Variants in SGSM1 observed in about 807,000 individuals in gnomAD.
SGSM1 encodes the protein RUN and TBC1 domain containing 2.
In SGSM1, 73 loss-of-function variants were observed where a neutral mutation model predicts 133.8. The ratio of observed to expected loss-of-function variants is 0.55; its 90% CI spans 0.45 to 0.66. SGSM1 has a LOEUF of 0.66. SGSM1 is among the 30% of genes least tolerant of loss of function. SGSM1 has a pLI of 0.00. For synonymous variants in SGSM1, 563 were observed against 573.0 expected (o/e 0.98, Z 0.25); for missense variants, 1,213 against 1,448.1 (o/e 0.84, Z 2.64).
At chr22:24,894,061 G>T (rs1932862767) in intron 17 of SGSM1, among the ~76,000 whole-genome samples, 1 of 152,200 alleles carries the variant, frequency 6.6e-6, no homozygotes, top group South Asian at 2.1e-4. Flanking sequence ...TGTCCTCCCA[G>T]AACTTCCAGT....
At position 24,926,405 on chromosome 22, in the gene SGSM1, C is replaced by G. The variant is rs1390207542; in HGVS notation, c.*2131C>G. ...GCTGCCATTAGACTTACGTCTCCCT[C>G]CCCTACGTCCCCTAGCTTCCCAAGA... On this transcript the variant is annotated 3_prime_UTR_variant, in exon 25 of 25. Coordinates refer to ENST00000400358, the MANE Select transcript of SGSM1 (RefSeq NM_001098497.3). 6.6e-6 allele frequency: 1 copy of G among 152,208 alleles called. No individual in the cohort carries two copies. Among genetic ancestry groups the G allele is most frequent in the Non-Finnish European group, 1.5e-5 (1 of 68,034 alleles). The allele number at this position is 152,208 out of a possible 1,614,324, so 9.4% of individuals were successfully genotyped here.
At chr22:24,874,574 C>T (rs1366928271) in intron 12 of SGSM1, 1 of 1,596,944 alleles carries the variant, frequency 6.3e-7, no homozygotes, top group Non-Finnish European at 8.5e-7. Context: ...AAGGAGCAGC[C>T]CCCCAGTAAT....
chr22:24,851,100 CAA>C (rs68153757), intron 5 of SGSM1, among the ~76,000 whole-genome samples: 27,041 of 95,876 alleles, frequency 0.28, 4,718 homozygotes, highest in African/African-American at 0.53. Context: ...GACTCCATCT[CAA>C]AAAAAAAAAA....
chr22:24,907,034 T>G (rs1478608937), intron 21 of SGSM1, among the ~76,000 whole-genome samples: 1 of 151,682 alleles, frequency 6.6e-6, no homozygotes, highest in African/African-American at 2.4e-5. Flanking sequence ...CCTCGGTGGG[T>G]GGATCACCTG....
In SGSM1 at chr22:24,876,561, C is replaced by T. The variant is rs781472306; in HGVS notation, c.1292-16C>T. The T allele has an allele frequency of 1.9e-6, 3 of 1,613,940 alleles. No individual in the cohort carries two copies. Among genetic ancestry groups the T allele is most frequent in the Non-Finnish European group, 2.5e-6 (3 of 1,179,838 alleles). ...AACCAGGGTGATTCTTCTGCCCCTC[C>T]TTCTATCCACCACAGTGCCCCAGGA... On this transcript the variant is annotated splice_polypyrimidine_tract_variant and intron_variant, in intron 12 of 24. Transcript: ENST00000400358.
intron 2 of SGSM1, among the ~76,000 whole-genome samples, chr22:24,840,839 G>A (rs1375688153): frequency 6.6e-6 from 1 of 151,898 alleles, no homozygotes; most frequent in Non-Finnish European, 1.5e-5. Flanking sequence ...TGGCCATGTT[G>A]TGTTTTTGTT....
At position 24,868,383 on chromosome 22, in the gene SGSM1, C is replaced by T. The variant is rs375206010; in HGVS notation, c.1002C>T (p.Ser334=). ...VYLHCHQQVD[S]GGTVVLVSQD... Reference sequence around the variant, plus strand: ...GGCTGGTGGTGGCGGCAGTTGACAGCGGCGGGACAGTGGTATTGGTCAGCC... The same window carrying T: ...GGCTGGTGGTGGCGGCAGTTGACAGTGGCGGGACAGTGGTATTGGTCAGCC... Residue 334 remains serine (S), a synonymous_variant, in exon 11 of 25, where the codon AGC becomes AGT. Coordinates refer to ENST00000400358, the MANE Select transcript of SGSM1 (RefSeq NM_001098497.3). 5.4e-5 allele frequency: 86 copies of T among 1,607,168 alleles called. No homozygotes were observed. The highest frequency in any genetic ancestry group is 7.3e-5 in the Non-Finnish European group (86 of 1,175,230).
intron 12 of SGSM1, among the ~76,000 whole-genome samples, chr22:24,870,920 T>TGG (rs1931736575): frequency 6.6e-6 from 1 of 152,200 alleles, no homozygotes; most frequent in Admixed American, 6.5e-5. Flanking sequence ...CTTTACTCCC[T>TGG]CCCCTTTTCT....
intron 2 of SGSM1, among the ~76,000 whole-genome samples, chr22:24,806,720 G>A (rs1927411861): frequency 6.6e-6 from 1 of 151,858 alleles, no homozygotes; most frequent in Admixed American, 6.5e-5. Context: ...GGGGGCGGAT[G>A]TAGCGTGAGG....
chr22:24,899,034 A>C lies in SGSM1; in HGVS notation c.2610+475A>C, dbSNP rs59054773. ...AGAGCAAGATCTCAAAAAAAAAAAA[A>C]AAAAAAAAAAAAACGTGTACAGTGT... On this transcript the variant is annotated intron_variant, in intron 19 of 24. Coordinates refer to ENST00000400358, the MANE Select transcript of SGSM1 (RefSeq NM_001098497.3). Among the ~76,000 whole-genome samples the C allele has an allele frequency of 5.9e-3, 870 of 148,316 alleles. 5 individuals carry two copies. The highest frequency in any genetic ancestry group is 8.4e-3 in the Non-Finnish European group (558 of 66,134).
In SGSM1 at chr22:24,823,714, C is replaced by G. The variant is rs12483906; in HGVS notation, c.63+17230C>G. Among the ~76,000 whole-genome samples, 8 of 152,124 alleles carry G rather than the reference C, an allele frequency of 5.3e-5. No individual in the cohort carries two copies. In the East Asian group the frequency reaches 1.5e-3, roughly 29 times the overall value. On this transcript the variant is annotated intron_variant, in intron 2 of 24. Transcript: ENST00000400358. ...TTGGGAGGCCAAGGCGGGTGGATCA[C>G]TTGAGGCCAGGAGTTGAAGACCAGC...
In SGSM1 at chr22:24,844,625, G is replaced by A. The variant is rs975464509; in HGVS notation, c.64-272G>A. 20 of 456,864 alleles carry A rather than the reference G, an allele frequency of 4.4e-5. 1 individual carries two copies. Among genetic ancestry groups the A allele is most frequent in the Admixed American group, 3.2e-4 (9 of 27,950 alleles). 28.3% of individuals were successfully genotyped at this position (456,864 alleles called of 1,614,324 possible). A position where few individuals can be genotyped will look rare whatever the true frequency, so the allele number is the denominator to read the frequency against. The stretch of plus-strand genomic sequence containing the variant: ...TGCCTTAGACAGTGTGGTCAGGAAA[G>A]GAGATGACGTTTTGTGAGATGCCTA... On this transcript the variant is annotated intron_variant, in intron 2 of 24. Transcript: ENST00000400358.
rs559441051 is a variant in SGSM1, at chr22:24,903,767, T to C, written c.2736-1338T>C. ...CGGCCAGATCACCTGAGGTCAGGAG[T>C]TCGAGACCAGCCTGGCCAACATGGC... On this transcript the variant is annotated intron_variant, in intron 20 of 24. Coordinates refer to ENST00000400358, the MANE Select transcript of SGSM1 (RefSeq NM_001098497.3). Among the ~76,000 whole-genome samples the C allele has an allele frequency of 2.6e-5, 4 of 150,954 alleles. No homozygotes were observed. The East Asian group carries it at 7.9e-4, about 30-fold the overall frequency.
In SGSM1 at chr22:24,907,491, A is replaced by G. The variant is rs141038994; in HGVS notation, c.2818+2304A>G. On this transcript the variant is annotated intron_variant, in intron 21 of 24. Transcript: ENST00000400358. ...TCCAATGATCTGTAAAGTCAGTGCA[A>G]TCTCTGTCAAAAATCCCAGCTGCCT... 3.6e-3 allele frequency among the ~76,000 whole-genome samples: 544 copies of G among 151,684 alleles called. 4 individuals carry two copies. The highest frequency in any genetic ancestry group is 0.013 in the African/African-American group (527 of 41,306).
At chr22:24,874,613 G>T in intron 12 of SGSM1, 1 of 1,543,324 alleles carries the variant, frequency 6.5e-7, no homozygotes, top group Non-Finnish European at 8.7e-7. Context: ...CCCAGGGGCT[G>T]GGTGCCAGCC....
intron 2 of SGSM1, among the ~76,000 whole-genome samples, chr22:24,833,617 C>G (rs1429288164): frequency 6.6e-6 from 1 of 151,462 alleles, no homozygotes; most frequent in Non-Finnish European, 1.5e-5. Context: ...GAGATTGTGC[C>G]ACTGCACTCC....
chr22:24,812,131 C>G (rs1233048421), intron 2 of SGSM1, among the ~76,000 whole-genome samples: 17 of 148,240 alleles, frequency 1.1e-4, no homozygotes, highest in Admixed American at 8.9e-4. Flanking sequence ...GATGGCGTCA[C>G]TGCACTTCAG....
chr22:24,832,727 T>TA (rs1465844917), intron 2 of SGSM1, among the ~76,000 whole-genome samples: 2 of 152,254 alleles, frequency 1.3e-5, no homozygotes, highest in South Asian at 2.1e-4. Flanking sequence ...GGGCTGCCCT[T>TA]ACGGTACACA....
At chr22:24,918,667 G>A (rs1381058802) in intron 23 of SGSM1, among the ~76,000 whole-genome samples, 1 of 152,084 alleles carries the variant, frequency 6.6e-6, no homozygotes, top group African/African-American at 2.4e-5. Flanking sequence ...CCCCTTGCCA[G>A]CAAGTGATGG....
Sources: allele counts gnomAD v4.1 joint callset (sites outside exome capture counted in the v4.1 genomes callset), GRCh38; gene constraint gnomAD v4.1.1; transcripts MANE v1.5; gene names NCBI Gene and HGNC (gene_info 2026-07-23, HGNC 2026-07-21).